Variants in DIAPH2 observed in about 807,000 individuals in gnomAD.
The protein encoded by DIAPH2 is diaphanous related formin 2.
In DIAPH2, 35 loss-of-function variants were observed where a neutral mutation model predicts 92.7. The observed-to-expected ratio is 0.38, with a 90% CI of 0.29 to 0.50. The LOEUF (loss-of-function observed/expected upper bound fraction) is 0.50, where lower values mean the gene tolerates loss of function less well. Ranked by LOEUF, DIAPH2 falls within the 20% of genes least tolerant of loss-of-function variation. The probability of loss-of-function intolerance (pLI) is 0.94; values close to 1 mark genes in which losing one functional copy is unlikely to be tolerated. For synonymous variants in DIAPH2, 301 were observed against 280.4 expected, an observed-to-expected ratio of 1.07 and a Z score of -0.73; for missense variants, 701 against 819.5, an observed-to-expected ratio of 0.86 and a Z score of 1.77.
At chrX:97,401,509 C>T (rs771159541) in intron 25 of DIAPH2, among the ~76,000 whole-genome samples, 2 of 111,751 alleles carry the variant, frequency 1.8e-5, no homozygotes, top group East Asian at 5.6e-4. Context: ...TCTGAAAGAA[C>T]ACTGCTGTTC....
At chrX:96,836,007 G>T (rs1012753889) in intron 4 of DIAPH2, among the ~76,000 whole-genome samples, 1 of 110,516 alleles carries the variant, frequency 9.0e-6, no homozygotes, top group Non-Finnish European at 1.9e-5. Flanking sequence ...TAGAGACAGG[G>T]TTTCCCCATG....
chrX:97,003,185 CTTTA>C (rs2066156654), intron 17 of DIAPH2, among the ~76,000 whole-genome samples: 1 of 109,344 alleles, frequency 9.1e-6, no homozygotes, highest in African/African-American at 3.3e-5. Flanking sequence ...ACCACATTTT[CTTTA>C]TTTATTCTTC....
Position 97,183,712 on chromosome X carries a change from A to G in DIAPH2, c.2719+41918A>G, listed in dbSNP as rs767057711. On this transcript the variant is annotated intron_variant, in intron 22 of 26. Coordinates refer to ENST00000324765, the MANE Select transcript of DIAPH2 (RefSeq NM_006729.5). ...TTTAGAACCATTTTTGTTCTGGACA[A>G]AATTCAAGCTGGATATTACTGATTA... 4.9e-3 allele frequency among the ~76,000 whole-genome samples: 547 copies of G among 112,299 alleles called. 2 individuals are homozygous for G. The highest frequency in any genetic ancestry group is 0.021 in the South Asian group (56 of 2,712).
chrX:97,481,028 C>G (rs1276413456), intron 26 of DIAPH2, among the ~76,000 whole-genome samples: 1 of 111,994 alleles, frequency 8.9e-6, no homozygotes, highest in Non-Finnish European at 1.9e-5. Context: ...TTCACCCAGG[C>G]TTTCACCATG....
At chrX:96,709,208 T>G (rs1394811202) in intron 1 of DIAPH2, among the ~76,000 whole-genome samples, 1 of 112,417 alleles carries the variant, frequency 8.9e-6, no homozygotes, top group Non-Finnish European at 1.9e-5. Flanking sequence ...TGTTTGTTAA[T>G]TTGCTTACCA....
chrX:97,182,175 A>G, intron 22 of DIAPH2, among the ~76,000 whole-genome samples: 1 of 111,271 alleles, frequency 9.0e-6, no homozygotes, highest in Non-Finnish European at 1.9e-5. Context: ...TAGGCATGAT[A>G]GGAGGAAGAG....
At chrX:96,814,232 C>CT (rs759408631) in intron 4 of DIAPH2, among the ~76,000 whole-genome samples, 1 of 111,584 alleles carries the variant, frequency 9.0e-6, no homozygotes, top group Non-Finnish European at 1.9e-5. Flanking sequence ...TCTTTTTACT[C>CT]TTTTTTCTCT....
At chrX:97,589,200 C>T (rs1442657304) in intron 26 of DIAPH2, among the ~76,000 whole-genome samples, 3 of 97,863 alleles carry the variant, frequency 3.1e-5, no homozygotes, top group Non-Finnish European at 6.1e-5. Context: ...GCCTGTAATC[C>T]CAGCTACTCG....
intron 4 of DIAPH2, among the ~76,000 whole-genome samples, chrX:96,840,210 A>T (rs1000755350): frequency 8.9e-6 from 1 of 111,989 alleles, no homozygotes; most frequent in African/African-American, 3.2e-5. Context: ...GTGACTAATG[A>T]CTTCCATATT....
intron 25 of DIAPH2, among the ~76,000 whole-genome samples, chrX:97,417,750 C>T (rs909244676): frequency 2.0e-4 from 22 of 110,562 alleles, no homozygotes; most frequent in African/African-American, 7.2e-4. Flanking sequence ...ACAGTAACCC[C>T]CACTTATCTG....
At chrX:97,439,762 C>T (rs1209622050) in intron 26 of DIAPH2, among the ~76,000 whole-genome samples, 3 of 49,434 alleles carry the variant, frequency 6.1e-5, no homozygotes, top group Admixed American at 3.0e-4. Context: ...AAAAGAGGGG[C>T]GGGGGGTGGG....
chrX:97,368,896 T>TTC (rs2069410071), intron 24 of DIAPH2, among the ~76,000 whole-genome samples: 2 of 58,439 alleles, frequency 3.4e-5, no homozygotes, highest in Non-Finnish European at 6.8e-5. Context: ...GAGTCTACCC[T>TTC]TTCTTTTTTT....
chrX:97,297,699 C>A (rs1285078317), intron 23 of DIAPH2, among the ~76,000 whole-genome samples: 8 of 106,916 alleles, frequency 7.5e-5, no homozygotes, highest in Admixed American at 7.2e-4. Flanking sequence ...GGGACAGGTG[C>A]CAACAATTAC....
At chrX:97,512,077 A>G (rs1484551012) in intron 26 of DIAPH2, among the ~76,000 whole-genome samples, 1 of 113,164 alleles carries the variant, frequency 8.8e-6, no homozygotes, top group East Asian at 2.7e-4. Flanking sequence ...TAGTTTCAGA[A>G]GGAATGGTAC....
intron 3 of DIAPH2, among the ~76,000 whole-genome samples, chrX:96,754,285 T>C (rs2064210767): frequency 8.9e-6 from 1 of 112,072 alleles, no homozygotes; most frequent in Non-Finnish European, 1.9e-5. Context: ...GTTAGAATTA[T>C]TTGTTACTAC....
intron 3 of DIAPH2, among the ~76,000 whole-genome samples, chrX:96,751,743 T>C (rs1426199272): frequency 1.6e-5 from 1 of 64,288 alleles, no homozygotes; most frequent in African/African-American, 6.1e-5. Context: ...AAGCTCCGCC[T>C]CCCGGGTTCA....
At chrX:97,570,061 T>A (rs2071353542) in intron 26 of DIAPH2, among the ~76,000 whole-genome samples, 1 of 69,469 alleles carries the variant, frequency 1.4e-5, no homozygotes, top group African/African-American at 5.5e-5. Context: ...TTATACAAGT[T>A]CATAAGGCCT....
At chrX:97,098,824 T>G (rs916097905) in intron 19 of DIAPH2, among the ~76,000 whole-genome samples, 4 of 112,897 alleles carry the variant, frequency 3.5e-5, no homozygotes, top group African/African-American at 1.3e-4. Flanking sequence ...ATAATCACGT[T>G]GAGGATTAGA....
chrX:97,226,117 G>A (rs1032355383), intron 22 of DIAPH2, among the ~76,000 whole-genome samples: 1 of 111,093 alleles, frequency 9.0e-6, no homozygotes, highest in African/African-American at 3.3e-5. Context: ...GAGCTAAAAC[G>A]TGTCATTATA....
Sources: gnomAD v4.1 joint callset for allele counts (sites outside exome capture counted in the v4.1 genomes callset) on GRCh38, gnomAD v4.1.1 for gene constraint, MANE v1.5 for transcripts, NCBI Gene and HGNC (gene_info 2026-07-23, HGNC 2026-07-21) for gene names.